Variants in SNTG2 observed in about 807,000 individuals in gnomAD.
SNTG2 encodes the protein gamma-2-syntrophin.
SNTG2 carries 74 observed loss-of-function variants against 70.9 expected under a neutral mutation model. The ratio of observed to expected loss-of-function variants is 1.04; its 90% CI spans 0.86 to 1.27. SNTG2 has a LOEUF of 1.27. SNTG2 is among the 50% of genes most tolerant of loss of function. SNTG2 has a pLI of 0.00. For synonymous variants in SNTG2, 278 were observed against 273.8 expected (o/e 1.02, Z -0.15); for missense variants, 717 against 690.7 (o/e 1.04, Z -0.43).
In SNTG2 at chr2:1,099,180, C is replaced by A. The variant is rs373524052; in HGVS notation, c.325+770C>A. 3.3e-5 allele frequency among the ~76,000 whole-genome samples: 5 copies of A among 152,178 alleles called. No homozygotes were observed. In the East Asian group the frequency reaches 9.7e-4, roughly 29 times the overall value. ...AGCTCCTGGGTGTGCAGCCTCAGGC[C>A]ACTCCTCCCCTGCTCTCCAGAGCAA... On this transcript the variant is annotated intron_variant, in intron 4 of 16. Transcript: ENST00000308624.
chr2:997,645 C>A (rs1003853151), intron 1 of SNTG2, among the ~76,000 whole-genome samples: 2 of 152,170 alleles, frequency 1.3e-5, no homozygotes, highest in African/African-American at 2.4e-5. Context: ...CTCAGCAGTT[C>A]TTGCATTTCT....
chr2:1,263,225 A>G (rs946078249), intron 13 of SNTG2, among the ~76,000 whole-genome samples: 1 of 152,194 alleles, frequency 6.6e-6, no homozygotes, highest in Admixed American at 6.5e-5. Context: ...GAATAATCAA[A>G]AGACCATTGA....
At chr2:1,294,484 AAGT>A (rs1680119554) in intron 14 of SNTG2, among the ~76,000 whole-genome samples, 1 of 152,242 alleles carries the variant, frequency 6.6e-6, no homozygotes, top group South Asian at 2.1e-4. Flanking sequence ...TCTTAGGAGA[AAGT>A]AGATGAGTTT....
intron 4 of SNTG2, among the ~76,000 whole-genome samples, chr2:1,113,247 G>T (rs1329421593): frequency 1.4e-5 from 2 of 146,818 alleles, no homozygotes; most frequent in African/African-American, 2.5e-5. Flanking sequence ...GAAGGATGGT[G>T]TGTACTAAGT....
In SNTG2 at chr2:1,262,286, C is replaced by T. The variant is rs183457893; in HGVS notation, c.1077+2845C>T. Among the ~76,000 whole-genome samples the T allele has an allele frequency of 3.7e-4, 57 of 152,172 alleles. 1 individual carries two copies. The highest frequency in any genetic ancestry group is 3.7e-3 in the Admixed American group (57 of 15,288). On this transcript the variant is annotated intron_variant, in intron 13 of 16. Coordinates refer to ENST00000308624, the MANE Select transcript of SNTG2 (RefSeq NM_018968.4). The stretch of plus-strand genomic sequence containing the variant: ...TCCTGCAAAGAAACAGAGAGCTTCC[C>T]CCATCTTCATGACAGGAGGTGGTTG...
At chr2:1,113,501 T>C (rs1322297150) in intron 4 of SNTG2, among the ~76,000 whole-genome samples, 1 of 151,388 alleles carries the variant, frequency 6.6e-6, no homozygotes, top group African/African-American at 2.4e-5. Flanking sequence ...GGTTTAACCC[T>C]TACAGTCCTT....
intron 4 of SNTG2, among the ~76,000 whole-genome samples, chr2:1,125,061 A>G (rs1313530641): frequency 6.6e-6 from 1 of 152,172 alleles, no homozygotes; most frequent in African/African-American, 2.4e-5. Flanking sequence ...TATGCCTTAG[A>G]CATACTGTTA....
chr2:1,179,226 C>G (rs982183853), intron 8 of SNTG2, among the ~76,000 whole-genome samples: 4 of 152,040 alleles, frequency 2.6e-5, no homozygotes, highest in African/African-American at 7.2e-5. Flanking sequence ...AGCGGTCTAT[C>G]AATTTTGTTG....
chr2:1,177,818 A>G (rs1410253002), intron 8 of SNTG2, among the ~76,000 whole-genome samples: 3 of 152,180 alleles, frequency 2.0e-5, no homozygotes, highest in Non-Finnish European at 4.4e-5. Flanking sequence ...ATAAAAGGTT[A>G]TTGGCACACT....
intron 14 of SNTG2, among the ~76,000 whole-genome samples, chr2:1,295,917 G>A (rs563986288): frequency 6.6e-6 from 1 of 152,112 alleles, no homozygotes; most frequent in East Asian, 1.9e-4. Context: ...TCCATGTTGG[G>A]GTGGGAGGGT....
chr2:1,038,683 G>A (rs971821223), intron 1 of SNTG2, among the ~76,000 whole-genome samples: 1 of 152,176 alleles, frequency 6.6e-6, no homozygotes, highest in African/African-American at 2.4e-5. Context: ...GTTTTGACAC[G>A]TGGAACTCAA....
chr2:1,340,562 T>C (rs1009726205), intron 16 of SNTG2, among the ~76,000 whole-genome samples: 20 of 152,242 alleles, frequency 1.3e-4, no homozygotes, highest in African/African-American at 4.6e-4. Context: ...ATTCTTTCAA[T>C]TGAAAAAGAT....
intron 1 of SNTG2, among the ~76,000 whole-genome samples, chr2:959,542 G>T (rs142001762): frequency 6.6e-6 from 1 of 151,900 alleles, no homozygotes; most frequent in African/African-American, 2.4e-5. Context: ...TGCTAGGGTC[G>T]CCTGGTGCAG....
intron 1 of SNTG2, among the ~76,000 whole-genome samples, chr2:1,066,202 T>G (rs1663138050): frequency 6.6e-6 from 1 of 152,228 alleles, no homozygotes; most frequent in Non-Finnish European, 1.5e-5. Flanking sequence ...GAAAGCATTT[T>G]CTGCATTCTG....
At chr2:1,178,120 A>G (rs1376106996) in intron 8 of SNTG2, among the ~76,000 whole-genome samples, 1 of 152,178 alleles carries the variant, frequency 6.6e-6, no homozygotes, top group Non-Finnish European at 1.5e-5. Flanking sequence ...GGTTTTCTGG[A>G]TGGTACTTTA....
chr2:1,252,844 AC>A (rs200915686), intron 12 of SNTG2, among the ~76,000 whole-genome samples: 2,226 of 152,320 alleles, frequency 0.015, 26 homozygotes, highest in Non-Finnish European at 0.026. Flanking sequence ...ATTAGTATTC[AC>A]CAACTTCTCA....
chr2:1,234,356 T>C (rs1676466526), intron 9 of SNTG2, among the ~76,000 whole-genome samples: 2 of 152,242 alleles, frequency 1.3e-5, no homozygotes, highest in South Asian at 4.1e-4. Flanking sequence ...GCCATCAGCA[T>C]TCATGTCAAC....
At chr2:1,122,804 G>T (rs28838311) in intron 4 of SNTG2, among the ~76,000 whole-genome samples, 72,071 of 149,824 alleles carry the variant, frequency 0.48, 18,298 homozygotes, top group East Asian at 0.67. Context: ...GATTCTATTT[G>T]TAAAAACCCC....
At chr2:1,029,132 T>C (rs919514759) in intron 1 of SNTG2, among the ~76,000 whole-genome samples, 2 of 152,184 alleles carry the variant, frequency 1.3e-5, no homozygotes, top group Admixed American at 6.5e-5. Flanking sequence ...CCAAATCATA[T>C]ATCGAAAACC....
Sources: allele counts gnomAD v4.1 joint callset (sites outside exome capture counted in the v4.1 genomes callset), GRCh38; gene constraint gnomAD v4.1.1; transcripts MANE v1.5; gene names NCBI Gene and HGNC (gene_info 2026-07-23, HGNC 2026-07-21).